Variants in C1orf21 observed in about 807,000 individuals in gnomAD.
The protein encoded by C1orf21 is uncharacterized protein C1orf21.
A neutral mutation model predicts 18.7 loss-of-function variants in C1orf21; 3 were observed. The ratio of observed to expected loss-of-function variants is 0.16; its 90% CI spans 0.07 to 0.42. C1orf21 has a LOEUF of 0.42. C1orf21 is among the 10% of genes least tolerant of loss of function. The pLI is 0.99. For missense variants in C1orf21, 104 were observed against 143.6 expected (o/e 0.72, Z 1.41); for synonymous variants, 41 against 46.4 (o/e 0.88, Z 0.47).
chr1:184,624,476 G>T lies in C1orf21; in HGVS notation c.*4920G>T, dbSNP rs1659974737. The T allele has an allele frequency of 6.6e-6, 1 of 152,106 alleles. No homozygotes were observed. The highest frequency in any genetic ancestry group is 2.4e-5 in the African/African-American group (1 of 41,402). The allele number at this position is 152,106 out of a possible 1,614,324, so 9.4% of individuals were successfully genotyped here. A position where few individuals can be genotyped will look rare whatever the true frequency, so the allele number is the denominator to read the frequency against. On this transcript the variant is annotated 3_prime_UTR_variant, in exon 6 of 6. Transcript: ENST00000235307. ...TTCGAGTGCTGTGATTTCTTTCCTGGGTTCCCAAGTCTTGTTGTTTCATCA... is the reference window on the plus strand; with the variant it reads ...TTCGAGTGCTGTGATTTCTTTCCTGTGTTCCCAAGTCTTGTTGTTTCATCA...
At chr1:184,414,137 A>G (rs1315225852) in intron 1 of C1orf21, among the ~76,000 whole-genome samples, 1 of 152,058 alleles carries the variant, frequency 6.6e-6, no homozygotes, top group African/African-American at 2.4e-5. Context: ...TGTTGAATTA[A>G]TTTCACTTTT....
At chr1:184,541,370 A>C (rs540249448) in intron 3 of C1orf21, among the ~76,000 whole-genome samples, 1 of 152,282 alleles carries the variant, frequency 6.6e-6, no homozygotes, top group South Asian at 2.1e-4. Flanking sequence ...CACCATCCTC[A>C]ATGATCATAC....
At chr1:184,500,719 T>C (rs1657962745) in intron 2 of C1orf21, among the ~76,000 whole-genome samples, 1 of 152,152 alleles carries the variant, frequency 6.6e-6, no homozygotes, top group Non-Finnish European at 1.5e-5. Context: ...TCAGTGACAG[T>C]TAAAGGAGAA....
intron 1 of C1orf21, among the ~76,000 whole-genome samples, chr1:184,450,980 C>G (rs998945886): frequency 6.6e-6 from 1 of 152,058 alleles, no homozygotes; most frequent in African/African-American, 2.4e-5. Context: ...TGGGTTCAAG[C>G]GATTCTCCAA....
intron 1 of C1orf21, among the ~76,000 whole-genome samples, chr1:184,476,716 C>A (rs1361147328): frequency 1.3e-5 from 2 of 152,204 alleles, no homozygotes; most frequent in South Asian, 2.1e-4. Context: ...TTGACGTCTT[C>A]TGCCCAATCC....
At chr1:184,612,727 C>T (rs968673803) in intron 5 of C1orf21, among the ~76,000 whole-genome samples, 1 of 152,110 alleles carries the variant, frequency 6.6e-6, no homozygotes, top group Non-Finnish European at 1.5e-5. Flanking sequence ...GAGAACTGGA[C>T]CTGATTCCAC....
In C1orf21 at chr1:184,477,538, C is replaced by A; in HGVS notation, c.29C>A (p.Ala10Asp). The A allele has an allele frequency of 6.2e-7, 1 of 1,613,956 alleles. No individual in the cohort carries two copies. The highest frequency in any genetic ancestry group is 1.1e-5 in the South Asian group (1 of 91,070). MGCASAKHV[A>D]TVQNEEEAQK... is the part of the protein sequence containing the mutation. ...GGCTGTGCCTCCGCCAAGCATGTTGCCACTGTTCAAAATGAAGAGGAAGCC... is the reference window on the plus strand; with the variant it reads ...GGCTGTGCCTCCGCCAAGCATGTTGACACTGTTCAAAATGAAGAGGAAGCC... The change falls in exon 2 of 6, where the codon GCC becomes GAC. Residue 10 changes from alanine (A) to aspartate (D), a missense_variant. Physicochemically the swap from Ala to Asp is moderately radical, Grantham distance 126 (BLOSUM62 -2). Transcript: ENST00000235307.
intron 3 of C1orf21, among the ~76,000 whole-genome samples, chr1:184,534,434 G>A (rs1018766385): frequency 2.0e-5 from 3 of 152,154 alleles, no homozygotes; most frequent in African/African-American, 7.2e-5. Context: ...CATTCCAGGT[G>A]TAAAGACATC....
At chr1:184,391,911 T>C (rs893092341) in intron 1 of C1orf21, among the ~76,000 whole-genome samples, 1 of 152,188 alleles carries the variant, frequency 6.6e-6, no homozygotes, top group African/African-American at 2.4e-5. Context: ...TTTTGCCATG[T>C]TGGCCAGGAT....
At chr1:184,406,268 A>T (rs1274001183) in intron 1 of C1orf21, among the ~76,000 whole-genome samples, 1 of 152,230 alleles carries the variant, frequency 6.6e-6, no homozygotes, top group African/African-American at 2.4e-5. Flanking sequence ...TGTAAAATTC[A>T]TCTTGGTTTT....
At position 184,460,620 on chromosome 1, in the gene C1orf21, G is replaced by GTCTTCTTCTTCTTCTTCT. The variant is rs201481780; in HGVS notation, c.-124-16716_-124-16699dup. 2.1e-4 allele frequency among the ~76,000 whole-genome samples: 24 copies of GTCTTCTTCTTCTTCTTCT among 112,092 alleles called. 1 individual carries two copies. Among genetic ancestry groups the GTCTTCTTCTTCTTCTTCT allele is most frequent in the African/African-American group, 4.4e-4 (11 of 25,228 alleles). The allele number at this position is 112,092 out of a possible 152,430, so 73.5% of individuals were successfully genotyped here. On this transcript the variant is annotated intron_variant, in intron 1 of 5. Coordinates refer to ENST00000235307, the MANE Select transcript of C1orf21 (RefSeq NM_030806.4). The stretch of plus-strand genomic sequence containing the variant: ...TTGGGCTGTTAGTATTGTCGTCGTC[G>GTCTTCTTCTTCTTCTTCT]TCTTCTTCTTCTTCTTCTTCTTCTT...
intron 3 of C1orf21, among the ~76,000 whole-genome samples, chr1:184,510,061 G>C (rs1010705282): frequency 5.3e-5 from 8 of 152,170 alleles, no homozygotes; most frequent in African/African-American, 1.7e-4. Flanking sequence ...TAAGAGTTAG[G>C]CATCATCATA....
chr1:184,599,449 A>T (rs913139269), intron 5 of C1orf21: 2 of 152,192 alleles, frequency 1.3e-5, no homozygotes, highest in Non-Finnish European at 2.9e-5. Flanking sequence ...TTTGACATGG[A>T]CCCTCTGAGA....
intron 3 of C1orf21, among the ~76,000 whole-genome samples, chr1:184,520,483 T>C (rs910249371): frequency 6.6e-6 from 1 of 152,172 alleles, no homozygotes. Flanking sequence ...CTCCTGAGTA[T>C]GAGGCACAAT....
At chr1:184,466,352 C>T (rs76225631) in intron 1 of C1orf21, among the ~76,000 whole-genome samples, 1,848 of 152,294 alleles carry the variant, frequency 0.012, 45 homozygotes, top group African/African-American at 0.043. Flanking sequence ...TCGTCAAGGG[C>T]AGTAGAATAC....
At chr1:184,523,226 A>C (rs147329485) in intron 3 of C1orf21, among the ~76,000 whole-genome samples, 44 of 152,272 alleles carry the variant, frequency 2.9e-4, no homozygotes, top group African/African-American at 1.0e-3. Flanking sequence ...AAAAATGAGA[A>C]CTTTACAGTG....
chr1:184,567,435 C>G, intron 3 of C1orf21: 1 of 539,530 alleles, frequency 1.9e-6, no homozygotes, highest in Non-Finnish European at 3.8e-6. Context: ...TGCATCTCTC[C>G]AGATGCCTTT....
intron 1 of C1orf21, among the ~76,000 whole-genome samples, chr1:184,459,905 C>T (rs538499488): frequency 1.3e-5 from 2 of 152,260 alleles, no homozygotes; most frequent in South Asian, 4.1e-4. Flanking sequence ...ACTTTGCTTC[C>T]ATTTTTATTT....
At chr1:184,410,724 G>C (rs1260358746) in intron 1 of C1orf21, among the ~76,000 whole-genome samples, 1 of 119,388 alleles carries the variant, frequency 8.4e-6, no homozygotes, top group Non-Finnish European at 1.6e-5. Context: ...GAGTGCAATG[G>C]TGTGATCTTG....
Sources: allele counts gnomAD v4.1 joint callset (sites outside exome capture counted in the v4.1 genomes callset), GRCh38; gene constraint gnomAD v4.1.1; transcripts MANE v1.5; gene names NCBI Gene and HGNC (gene_info 2026-07-23, HGNC 2026-07-21).